The following CNTNAP2 variants were observed in gnomAD, a reference collection of about 807,000 sequenced individuals.
CNTNAP2 encodes the protein contactin-associated protein-like 2.
Under a neutral mutation model 155.2 loss-of-function variants are expected in CNTNAP2, and 98 were observed. The ratio of observed to expected loss-of-function variants is 0.63; its 90% CI spans 0.54 to 0.75. The LOEUF (loss-of-function observed/expected upper bound fraction) is 0.75. CNTNAP2 is among the 30% of genes least tolerant of loss of function. The pLI, the probability that CNTNAP2 is intolerant of heterozygous loss-of-function variation, is 0.00. For synonymous variants in CNTNAP2, 651 were observed against 631.2 expected (o/e 1.03, Z -0.47); for missense variants, 1,727 against 1,688.1 (o/e 1.02, Z -0.40).
At chr7:148,322,078 G>A (rs985604990) in intron 21 of CNTNAP2, among the ~76,000 whole-genome samples, 2 of 150,972 alleles carry the variant, frequency 1.3e-5, no homozygotes, top group African/African-American at 4.9e-5. Flanking sequence ...ACACCACTGC[G>A]TCTGGCTAAT....
At chr7:146,427,997 G>T (rs1426613353) in intron 1 of CNTNAP2, among the ~76,000 whole-genome samples, 2 of 152,104 alleles carry the variant, frequency 1.3e-5, no homozygotes, top group Non-Finnish European at 2.9e-5. Context: ...GTGGTATTTG[G>T]TTTTCTGTTG....
chr7:147,785,917 A>C (rs932097789), intron 13 of CNTNAP2, among the ~76,000 whole-genome samples: 1 of 152,098 alleles, frequency 6.6e-6, no homozygotes, highest in Non-Finnish European at 1.5e-5. Context: ...ACCTGAACCC[A>C]GGATGGGGAG....
chr7:146,367,159 A>G (rs1475972362), intron 1 of CNTNAP2, among the ~76,000 whole-genome samples: 1 of 152,152 alleles, frequency 6.6e-6, no homozygotes, highest in Non-Finnish European at 1.5e-5. Flanking sequence ...TTGATGACTA[A>G]TATCATGGAT....
rs944114909 is a variant in CNTNAP2 at position 147,268,251 on chromosome 7, C to G, written c.1349-31890C>G. ...CCTCTTTTTTGACACTCATTCGACA[C>G]TCATTCACTTCAATGTTTTTAAATA... On this transcript the variant is annotated intron_variant, in intron 8 of 23. Transcript: ENST00000361727. 2.2e-5 allele frequency among the ~76,000 whole-genome samples: 3 copies of G among 133,700 alleles called. No homozygotes were observed. The South Asian group carries it at 6.9e-4, about 31-fold the overall frequency. The allele number at this position is 133,700 out of a possible 152,430, so 87.7% of individuals were successfully genotyped here. A position where few individuals can be genotyped will look rare whatever the true frequency, so the allele number is the denominator to read the frequency against.
At chr7:148,221,217 T>C (rs1272631206) in intron 19 of CNTNAP2, among the ~76,000 whole-genome samples, 1 of 152,226 alleles carries the variant, frequency 6.6e-6, no homozygotes, top group Non-Finnish European at 1.5e-5. Context: ...AAGCTCACTT[T>C]GTGCCCAAAG....
At chr7:146,206,753 C>T (rs1442006385) in intron 1 of CNTNAP2, among the ~76,000 whole-genome samples, 1 of 151,874 alleles carries the variant, frequency 6.6e-6, no homozygotes, top group African/African-American at 2.4e-5. Context: ...TCAGGTGTTT[C>T]TTTAATGTCA....
At chr7:146,746,830 T>C (rs1801816902) in intron 1 of CNTNAP2, among the ~76,000 whole-genome samples, 1 of 152,150 alleles carries the variant, frequency 6.6e-6, no homozygotes, top group Non-Finnish European at 1.5e-5. Context: ...AATTCTGTGA[T>C]TTAGTTTTAT....
At chr7:146,787,975 A>G (rs1802605212) in intron 2 of CNTNAP2, among the ~76,000 whole-genome samples, 1 of 152,228 alleles carries the variant, frequency 6.6e-6, no homozygotes, top group African/African-American at 2.4e-5. Flanking sequence ...AGCTAGACAC[A>G]GAGGGCTGAT....
intron 15 of CNTNAP2, among the ~76,000 whole-genome samples, chr7:148,062,685 A>G (rs1585105387): frequency 6.6e-6 from 1 of 152,290 alleles, no homozygotes; most frequent in Admixed American, 6.5e-5. Context: ...ATAAATATTC[A>G]TGAGATGCAA....
At chr7:146,561,156 T>C (rs1002049486) in intron 1 of CNTNAP2, among the ~76,000 whole-genome samples, 6 of 152,164 alleles carry the variant, frequency 3.9e-5, no homozygotes, top group African/African-American at 1.2e-4. Context: ...TACATTTCCC[T>C]TCCATATTTT....
At chr7:146,821,102 T>C (rs1415246770) in intron 2 of CNTNAP2, among the ~76,000 whole-genome samples, 2 of 152,276 alleles carry the variant, frequency 1.3e-5, no homozygotes, top group East Asian at 3.9e-4. Flanking sequence ...CACTGATGGG[T>C]CTTGACTCTT....
At chr7:146,823,509 A>G (rs1327114544) in intron 2 of CNTNAP2, among the ~76,000 whole-genome samples, 3 of 139,178 alleles carry the variant, frequency 2.2e-5, no homozygotes, top group Admixed American at 7.0e-5. Flanking sequence ...ACATGGAAAT[A>G]TACTCATTCT....
chr7:147,410,453 C>T (rs1797084595), intron 10 of CNTNAP2, among the ~76,000 whole-genome samples: 1 of 152,088 alleles, frequency 6.6e-6, no homozygotes, highest in Non-Finnish European at 1.5e-5. Context: ...GGCTCATTAC[C>T]TAGGTGATGA....
chr7:147,002,505 A>G (rs1798443004), intron 3 of CNTNAP2, among the ~76,000 whole-genome samples: 3 of 152,072 alleles, frequency 2.0e-5, no homozygotes, highest in Admixed American at 6.6e-5. Context: ...ATGAACACAT[A>G]CATTCTCAGA....
chr7:148,383,621 A>T, intron 21 of CNTNAP2, 28 bp from the exon 22 acceptor site: 1 of 1,614,246 alleles, frequency 6.2e-7, no homozygotes, highest in Non-Finnish European at 8.5e-7. Context: ...TGAGTCAAGT[A>T]ACATTTTCAT....
chr7:147,603,823 A>G (rs1801005228), intron 12 of CNTNAP2, among the ~76,000 whole-genome samples: 1 of 152,174 alleles, frequency 6.6e-6, no homozygotes, highest in Admixed American at 6.5e-5. Flanking sequence ...TTCAAACTAT[A>G]CTACAAGGCT....
intron 1 of CNTNAP2, among the ~76,000 whole-genome samples, chr7:146,704,177 A>G (rs1255408930): frequency 1.3e-5 from 2 of 152,138 alleles, no homozygotes; most frequent in Non-Finnish European, 2.9e-5. Context: ...ACACATGGTC[A>G]GTTTTCAAGT....
At chr7:148,139,665 G>A (rs144163505) in intron 16 of CNTNAP2, among the ~76,000 whole-genome samples, 3,031 of 152,054 alleles carry the variant, frequency 0.02, 106 homozygotes, top group African/African-American at 0.068. Context: ...TCAGCCTCCC[G>A]AGTAGCTGGG....
intron 15 of CNTNAP2, among the ~76,000 whole-genome samples, chr7:148,015,704 T>C (rs1298564408): frequency 6.6e-6 from 1 of 152,218 alleles, no homozygotes; most frequent in Non-Finnish European, 1.5e-5. Context: ...CAACAGGGCA[T>C]GTTACGCCAG....
Sources: allele counts gnomAD v4.1 joint callset (sites outside exome capture counted in the v4.1 genomes callset), GRCh38; gene constraint gnomAD v4.1.1; transcripts MANE v1.5; gene names NCBI Gene and HGNC (gene_info 2026-07-23, HGNC 2026-07-21).